Variants in SEPTIN7 observed in about 807,000 individuals in gnomAD.
SEPTIN7 encodes septin-7.
A neutral mutation model predicts 63.3 loss-of-function variants in SEPTIN7; 10 were observed. The observed-to-expected ratio is 0.16, with a 90% CI of 0.10 to 0.27. The LOEUF is 0.27. SEPTIN7 is among the 10% of genes least tolerant of loss of function. The pLI is 1.00. For synonymous variants in SEPTIN7, 131 were observed against 165.3 expected (o/e 0.79, Z 1.59); for missense variants, 310 against 521.0 (o/e 0.59, Z 3.94).
intron 1 of SEPTIN7, among the ~76,000 whole-genome samples, chr7:35,821,311 T>C (rs1259546557): frequency 1.3e-5 from 2 of 152,222 alleles, no homozygotes; most frequent in African/African-American, 4.8e-5. Context: ...TCCTTGCTTT[T>C]AATGAAGCAG....
At chr7:35,850,708 A>G (rs572693218) in intron 3 of SEPTIN7, among the ~76,000 whole-genome samples, 2 of 152,252 alleles carry the variant, frequency 1.3e-5, no homozygotes, top group South Asian at 4.1e-4. Flanking sequence ...TATCTCATTC[A>G]TGATTTTGAT....
chr7:35,813,695 T>C (rs985561380), intron 1 of SEPTIN7, among the ~76,000 whole-genome samples: 5 of 152,188 alleles, frequency 3.3e-5, no homozygotes, highest in African/African-American at 4.8e-5. Context: ...TTCTTGCTTC[T>C]GGTTATGGTG....
chr7:35,823,310 T>C (rs183499100), intron 1 of SEPTIN7, among the ~76,000 whole-genome samples: 1 of 152,206 alleles, frequency 6.6e-6, no homozygotes, highest in Non-Finnish European at 1.5e-5. Flanking sequence ...CAAGGGATTC[T>C]CCTGCTTCAG....
intron 1 of SEPTIN7, among the ~76,000 whole-genome samples, chr7:35,803,852 A>T (rs1448594434): frequency 6.6e-6 from 1 of 152,242 alleles, no homozygotes; most frequent in Non-Finnish European, 1.5e-5. Flanking sequence ...AGTTCGCTAT[A>T]TGAGAGCATA....
At chr7:35,859,237 T>G (rs181425630) in intron 3 of SEPTIN7, among the ~76,000 whole-genome samples, 287 of 152,278 alleles carry the variant, frequency 1.9e-3, no homozygotes, top group Non-Finnish European at 3.5e-3. Context: ...TATTCTAATT[T>G]CCCTTGTGAT....
chr7:35,850,389 G>A (rs1784902099), intron 3 of SEPTIN7, among the ~76,000 whole-genome samples: 1 of 152,166 alleles, frequency 6.6e-6, no homozygotes, highest in African/African-American at 2.4e-5. Context: ...GAAGGAAGGA[G>A]TTAGAGGAAC....
At chr7:35,872,816 G>T (rs780775973) in intron 5 of SEPTIN7, 50 bp downstream of exon 5, 1 of 1,244,842 alleles carries the variant, frequency 8.0e-7, no homozygotes, top group Non-Finnish European at 1.2e-6. Context: ...GGGTACTGGG[G>T]TGGTTAAACT....
At chr7:35,836,137 C>G (rs1784076172) in intron 3 of SEPTIN7, among the ~76,000 whole-genome samples, 1 of 152,078 alleles carries the variant, frequency 6.6e-6, no homozygotes, top group African/African-American at 2.4e-5. Context: ...GATTTTGAAT[C>G]TTTAAAAATT....
intron 11 of SEPTIN7, among the ~76,000 whole-genome samples, chr7:35,895,286 AAAAAT>A (rs1225040516): frequency 1.1e-4 from 16 of 152,192 alleles, no homozygotes; most frequent in Admixed American, 5.2e-4. Flanking sequence ...TCGATTTTCT[AAAAAT>A]AAAGATGACT....
chr7:35,880,072 A>G (rs1221837028), intron 7 of SEPTIN7, 132 bp downstream of exon 7: 1 of 604,896 alleles, frequency 1.7e-6, no homozygotes, highest in African/African-American at 1.9e-5. Flanking sequence ...CTGTATTAGA[A>G]ATAACTCTTC....
chr7:35,894,125 CTT>C (rs35271815), intron 11 of SEPTIN7, among the ~76,000 whole-genome samples: 70,897 of 135,444 alleles, frequency 0.52, 18,693 homozygotes, highest in Admixed American at 0.63. Context: ...GGAGGGCCGT[CTT>C]TTTTTTTTTT....
At chr7:35,807,146 T>C (rs1788396043) in intron 1 of SEPTIN7, among the ~76,000 whole-genome samples, 1 of 152,134 alleles carries the variant, frequency 6.6e-6, no homozygotes, top group South Asian at 2.1e-4. Flanking sequence ...ATGGATGTTA[T>C]GATGTTTCTG....
intron 1 of SEPTIN7, among the ~76,000 whole-genome samples, chr7:35,822,005 C>A (rs371543549): frequency 6.6e-6 from 1 of 152,138 alleles, no homozygotes; most frequent in East Asian, 1.9e-4. Context: ...TCCTGACCGA[C>A]CTCAGATGAT....
At chr7:35,838,759 T>C (rs1784260843) in intron 3 of SEPTIN7, 1 of 152,144 alleles carries the variant, frequency 6.6e-6, no homozygotes, top group South Asian at 2.1e-4. Flanking sequence ...ATATTAAATA[T>C]AAAGACTAAA....
At chr7:35,914,428 G>C in the SEPTIN7 span, among the ~76,000 whole-genome samples, 8 of 152,106 alleles carry the variant, frequency 5.3e-5, no homozygotes, top group Non-Finnish European at 1.2e-4. Context: ...TCAGTTGAAG[G>C]CCTTAAAAGA....
At chr7:35,884,857 A>G (rs1452816548) in intron 9 of SEPTIN7, among the ~76,000 whole-genome samples, 1 of 152,176 alleles carries the variant, frequency 6.6e-6, no homozygotes, top group East Asian at 1.9e-4. Context: ...TTAAATACCA[A>G]TAAAATCTTA....
chr7:35,836,519 A>G (rs1784090211), intron 3 of SEPTIN7, among the ~76,000 whole-genome samples: 1 of 152,132 alleles, frequency 6.6e-6, no homozygotes, highest in Non-Finnish European at 1.5e-5. Context: ...CCTATGCCAC[A>G]TGTGTTTAGT....
chr7:35,863,439 T>C (rs915559034), intron 3 of SEPTIN7, 113 bp from the exon 4 acceptor site: 2 of 603,476 alleles, frequency 3.3e-6, no homozygotes, highest in African/African-American at 1.9e-5. Flanking sequence ...TGTCATTTCA[T>C]TGTCTCACCA....
chr7:35,820,354 T>A (rs1789338097), intron 1 of SEPTIN7, among the ~76,000 whole-genome samples: 1 of 152,126 alleles, frequency 6.6e-6, no homozygotes, highest in Admixed American at 6.5e-5. Context: ...CCTTCCTTCC[T>A]AAACCCACCC....
Sources: gnomAD v4.1 joint callset for allele counts (sites outside exome capture counted in the v4.1 genomes callset) on GRCh38, gnomAD v4.1.1 for gene constraint, MANE v1.5 for transcripts, NCBI Gene and HGNC (gene_info 2026-07-23, HGNC 2026-07-21) for gene names.